Variants in VWA8 observed in about 807,000 individuals in gnomAD.
The protein encoded by VWA8 is von Willebrand factor A domain containing 8.
A neutral mutation model predicts 241.5 loss-of-function variants in VWA8; 221 were observed. The observed-to-expected ratio is 0.91, with a 90% CI of 0.82 to 1.02. The LOEUF (loss-of-function observed/expected upper bound fraction) is 1.02. Ranked by LOEUF, VWA8 falls within the 50% of genes least tolerant of loss-of-function variation. The pLI is 0.00. For missense variants in VWA8, 2,322 were observed against 2,328.7 expected (o/e 1.00, Z 0.06); for synonymous variants, 852 against 827.1 (o/e 1.03, Z -0.52).
chr13:41,832,883 T>C (rs984089914), intron 13 of VWA8, among the ~76,000 whole-genome samples: 7 of 152,028 alleles, frequency 4.6e-5, no homozygotes, highest in South Asian at 2.1e-4. Context: ...GCTTTTTTAG[T>C]CTATATAAAA....
At chr13:41,703,181 G>C in intron 27 of VWA8, 122 bp downstream of exon 27, 1 of 781,566 alleles carries the variant, frequency 1.3e-6, no homozygotes, top group Non-Finnish European at 2.0e-6. Context: ...TTGAAAGTTA[G>C]AGCAGAAGCT....
intron 39 of VWA8, among the ~76,000 whole-genome samples, chr13:41,607,649 G>A (rs1223267180): frequency 6.6e-6 from 1 of 152,068 alleles, no homozygotes; most frequent in East Asian, 1.9e-4. Context: ...GGGTGGGGAG[G>A]GGATGGAGGA....
intron 37 of VWA8, among the ~76,000 whole-genome samples, chr13:41,632,394 T>C (rs951046057): frequency 6.6e-6 from 1 of 152,144 alleles, no homozygotes; most frequent in Admixed American, 6.6e-5. Flanking sequence ...ATTATTACCA[T>C]GACTGTAGGT....
rs1241529219 is a variant in VWA8 at position 41,570,810 on chromosome 13, T to C, written c.5371-104A>G. The C allele has an allele frequency of 6.4e-6, 6 of 930,658 alleles. No individual in the cohort carries two copies. The Admixed American group carries it at 6.9e-5, about 11-fold the overall frequency. 57.7% of individuals were successfully genotyped at this position (930,658 alleles called of 1,614,324 possible). On this transcript the variant is annotated intron_variant, in intron 43 of 44. Transcript: ENST00000379310. ...CATGAGCATGCATACATACCAATTA[T>C]TACCCATGAGTAGTACATTCTAAGT...
rs749990661 is a variant in VWA8, at chr13:41,868,330, A to G, written c.1212+16T>C. On this transcript the variant is annotated intron_variant, in intron 10 of 44. Coordinates refer to ENST00000379310, the MANE Select transcript of VWA8 (RefSeq NM_015058.2). ...ATAAGGTATATCATAGAAAGAATAAACCTGTGATTAATTACCTTAATGGTC... is the reference window on the plus strand; with the variant it reads ...ATAAGGTATATCATAGAAAGAATAAGCCTGTGATTAATTACCTTAATGGTC... 1 of 1,613,330 alleles carries G rather than the reference A, an allele frequency of 6.2e-7. No homozygotes were observed. The highest frequency in any genetic ancestry group is 1.1e-5 in the South Asian group (1 of 90,802).
intron 37 of VWA8, among the ~76,000 whole-genome samples, chr13:41,648,287 A>G (rs752240087): frequency 4.6e-5 from 7 of 152,172 alleles, no homozygotes; most frequent in Non-Finnish European, 1.0e-4. Flanking sequence ...AGATTACATT[A>G]TTTATCTGGT....
rs543248599 is a variant in VWA8 at position 41,666,674 on chromosome 13, G to A, written c.4611+4272C>T. On this transcript the variant is annotated intron_variant, in intron 37 of 44. Transcript: ENST00000379310. ...AGAACTAGTTTACTAGCACGCCACC[G>A]GGATCTTGCATTTTCACTCAGTACT... is the stretch of plus-strand genomic sequence containing the variant. Among the ~76,000 whole-genome samples the A allele has an allele frequency of 2.0e-5, 3 of 152,120 alleles. No individual in the cohort carries two copies. In the South Asian group the frequency reaches 6.2e-4, roughly 32 times the overall value.
chr13:41,899,250 T>C (rs1875307920), intron 4 of VWA8, among the ~76,000 whole-genome samples: 1 of 152,270 alleles, frequency 6.6e-6, no homozygotes, highest in Admixed American at 6.5e-5. Context: ...ATATAAATTA[T>C]TTATTAATTT....
chr13:41,815,568 G>A (rs1294520890), intron 16 of VWA8, among the ~76,000 whole-genome samples: 1 of 152,172 alleles, frequency 6.6e-6, no homozygotes, highest in Non-Finnish European at 1.5e-5. Context: ...AAGGAATGCT[G>A]GCAGCCACCA....
chr13:41,842,864 C>A (rs1393877808), intron 12 of VWA8, among the ~76,000 whole-genome samples: 1 of 152,138 alleles, frequency 6.6e-6, no homozygotes, highest in Non-Finnish European at 1.5e-5. Context: ...GTACAAGAGA[C>A]TGGGAAAATG....
intron 1 of VWA8, among the ~76,000 whole-genome samples, chr13:41,957,307 T>C (rs1350780411): frequency 6.6e-6 from 1 of 152,182 alleles, no homozygotes; most frequent in Non-Finnish European, 1.5e-5. Context: ...GCTCTCTTAC[T>C]TGCCGCTATG....
intron 2 of VWA8, among the ~76,000 whole-genome samples, chr13:41,932,180 A>C (rs1406335867): frequency 6.6e-6 from 1 of 152,094 alleles, no homozygotes; most frequent in African/African-American, 2.4e-5. Flanking sequence ...ATTGTTAAAA[A>C]AAAAACACTT....
chr13:41,613,685 A>G lies in VWA8; in HGVS notation c.4720+1291T>C, dbSNP rs1268049391. Among the ~76,000 whole-genome samples, 5 of 152,276 alleles carry G rather than the reference A, an allele frequency of 3.3e-5. No individual in the cohort carries two copies. In the East Asian group the frequency reaches 9.7e-4, roughly 29 times the overall value. On this transcript the variant is annotated intron_variant, in intron 38 of 44. Coordinates refer to ENST00000379310, the MANE Select transcript of VWA8 (RefSeq NM_015058.2). ...CCTTTAATTTGTACTATTTAAATGA[A>G]AGTGCTTACCAGAGGTTCTAAGACT...
At chr13:41,895,635 C>A (rs1004767739) in intron 4 of VWA8, among the ~76,000 whole-genome samples, 1 of 152,024 alleles carries the variant, frequency 6.6e-6, no homozygotes, top group African/African-American at 2.4e-5. Context: ...TAACCACCTG[C>A]CTAAAAATAT....
intron 21 of VWA8, among the ~76,000 whole-genome samples, chr13:41,759,266 T>G (rs547611023): frequency 6.6e-6 from 1 of 151,726 alleles, no homozygotes; most frequent in South Asian, 2.1e-4. Context: ...GAATTGTGGT[T>G]CATATTTATT....
chr13:41,815,956 G>A (rs1478302444), intron 16 of VWA8, among the ~76,000 whole-genome samples: 1 of 152,156 alleles, frequency 6.6e-6, no homozygotes, highest in Non-Finnish European at 1.5e-5. Context: ...AGGAAAGCAA[G>A]GAATCAACAA....
In VWA8 at chr13:41,854,599, CAA is replaced by C. The variant is rs1434601872; in HGVS notation, c.1425+11135_1425+11136del. Among the ~76,000 whole-genome samples, 9 of 151,640 alleles carry C rather than the reference CAA, an allele frequency of 5.9e-5. No homozygotes were observed. The South Asian group carries it at 8.3e-4, about 14-fold the overall frequency. On this transcript the variant is annotated intron_variant, in intron 12 of 44. Coordinates refer to ENST00000379310, the MANE Select transcript of VWA8 (RefSeq NM_015058.2). Reference sequence around the variant, plus strand: ...TTAAGTCTGGAAGAGTTCTTTAAGACAAATATGAAAATTCTAAGTGATAAAGT... The same window carrying C: ...TTAAGTCTGGAAGAGTTCTTTAAGACATATGAAAATTCTAAGTGATAAAGT...
Position 41,816,735 on chromosome 13 carries a change from GATA to G in VWA8, c.1907_1909del (p.Leu636del), listed in dbSNP as rs1385686947. On this transcript the variant is annotated inframe_deletion, in exon 16 of 45. Transcript: ENST00000379310. Reference sequence around the variant, plus strand: ...TGTTTCTCTGAGTTTGTGTGTAAATGATAATAACTTATCCAGAGCTTCCTGAGG... The same window carrying G: ...TGTTTCTCTGAGTTTGTGTGTAAATGATAACTTATCCAGAGCTTCCTGAGG... 4 of 1,613,532 alleles carry G rather than the reference GATA, an allele frequency of 2.5e-6. No individual in the cohort carries two copies. The highest frequency in any genetic ancestry group is 3.4e-6 in the Non-Finnish European group (4 of 1,179,780).
At chr13:41,947,094 A>G (rs1394459939) in intron 2 of VWA8, among the ~76,000 whole-genome samples, 2 of 152,018 alleles carry the variant, frequency 1.3e-5, no homozygotes, top group African/African-American at 4.8e-5. Flanking sequence ...CAACTCCCAC[A>G]CTGTTCCTTG....
Sources: gnomAD v4.1 joint callset for allele counts (sites outside exome capture counted in the v4.1 genomes callset) on GRCh38, gnomAD v4.1.1 for gene constraint, MANE v1.5 for transcripts, NCBI Gene and HGNC (gene_info 2026-07-23, HGNC 2026-07-21) for gene names.